The following PANX1 variants were observed in gnomAD, a reference collection of about 807,000 sequenced individuals.
PANX1 encodes the protein pannexin 1, also known as pannexin-1.
Under a neutral mutation model 38.7 loss-of-function variants are expected in PANX1, and 30 were observed. That is an observed-to-expected ratio of 0.78 (90% CI 0.58 to 1.05). The LOEUF (loss-of-function observed/expected upper bound fraction) is 1.05. PANX1 is among the 50% of genes least tolerant of loss of function. The pLI is 0.00. For missense variants in PANX1, 551 were observed against 517.2 expected (o/e 1.07, Z -0.63); for synonymous variants, 230 against 212.2 (o/e 1.08, Z -0.73).
In PANX1 at chr11:94,129,226, C is replaced by A; in HGVS notation, c.-87C>A. The A allele has an allele frequency of 8.4e-7, 1 of 1,195,468 alleles. No individual in the cohort carries two copies. Among genetic ancestry groups the A allele is most frequent in the Non-Finnish European group, 1.2e-6 (1 of 858,376 alleles). The allele number at this position is 1,195,468 out of a possible 1,614,324, so 74.1% of individuals were successfully genotyped here. On this transcript the variant is annotated 5_prime_UTR_variant, in exon 1 of 5. Coordinates refer to ENST00000227638, the MANE Select transcript of PANX1 (RefSeq NM_015368.4). Reference sequence around the variant, plus strand: ...AAAGGGAAAGCGAAAGCCGCGCGCCCGGCCGGTGACTGGGTGAAGGCGCCG... The same window carrying A: ...AAAGGGAAAGCGAAAGCCGCGCGCCAGGCCGGTGACTGGGTGAAGGCGCCG...
intron 2 of PANX1, among the ~76,000 whole-genome samples, chr11:94,156,515 T>A (rs1673551215): frequency 6.6e-6 from 1 of 152,098 alleles, no homozygotes; most frequent in Admixed American, 6.5e-5. Flanking sequence ...TCCTTGAGAA[T>A]AAGGGGCGAT....
Position 94,173,641 on chromosome 11 carries a change from A to C in PANX1, c.322-4728A>C, listed in dbSNP as rs183298092. On this transcript the variant is annotated intron_variant, in intron 2 of 4. Coordinates refer to ENST00000227638, the MANE Select transcript of PANX1 (RefSeq NM_015368.4). Reference sequence around the variant, plus strand: ...GGACACTGAAGTGTATGTCTCCCCCATCTGTTGCTCTCAGATCTGTCTTCT... The same window carrying C: ...GGACACTGAAGTGTATGTCTCCCCCCTCTGTTGCTCTCAGATCTGTCTTCT... Among the ~76,000 whole-genome samples, 18 of 151,178 alleles carry C rather than the reference A, an allele frequency of 1.2e-4. No individual in the cohort carries two copies. The East Asian group carries it at 3.3e-3, about 28-fold the overall frequency.
At chr11:94,180,402 G>A in intron 4 of PANX1, 145 bp downstream of exon 4, 1 of 659,246 alleles carries the variant, frequency 1.5e-6, no homozygotes, top group Non-Finnish European at 2.5e-6. Flanking sequence ...GCGGGGTAGG[G>A]GGAGTGGGAA....
chr11:94,137,505 G>A (rs538286109), intron 1 of PANX1, among the ~76,000 whole-genome samples: 2 of 152,170 alleles, frequency 1.3e-5, no homozygotes, highest in South Asian at 4.2e-4. Flanking sequence ...GAGGCAATTT[G>A]GGGGCATTTG....
chr11:94,170,034 GT>G (rs912524150), intron 2 of PANX1, among the ~76,000 whole-genome samples: 7 of 151,794 alleles, frequency 4.6e-5, no homozygotes, highest in African/African-American at 1.5e-4. Context: ...TCTTTTTCAA[GT>G]TTTTCTTTTT....
At chr11:94,170,966 G>A (rs1947159977) in intron 2 of PANX1, among the ~76,000 whole-genome samples, 1 of 151,702 alleles carries the variant, frequency 6.6e-6, no homozygotes. Flanking sequence ...TCCCATGCCT[G>A]TATTTCTTAC....
Position 94,165,743 on chromosome 11 carries a change from C to T in PANX1, c.321+12113C>T, listed in dbSNP as rs187387242. 1.1e-4 allele frequency among the ~76,000 whole-genome samples: 16 copies of T among 152,100 alleles called. No homozygotes were observed. In the East Asian group the frequency reaches 3.1e-3, roughly 29 times the overall value. Reference sequence around the variant, plus strand: ...CTGCCCAACATGGAGAAACCCTGTCCCTTCTACACATACAAAATTAGCCAG... The same window carrying T: ...CTGCCCAACATGGAGAAACCCTGTCTCTTCTACACATACAAAATTAGCCAG... On this transcript the variant is annotated intron_variant, in intron 2 of 4. Coordinates refer to ENST00000227638, the MANE Select transcript of PANX1 (RefSeq NM_015368.4).
chr11:94,160,374 G>T (rs746006557), intron 2 of PANX1, among the ~76,000 whole-genome samples: 3 of 152,112 alleles, frequency 2.0e-5, no homozygotes, highest in Non-Finnish European at 4.4e-5. Flanking sequence ...CTCTTTGTAG[G>T]TCTCTAAGGA....
intron 2 of PANX1, among the ~76,000 whole-genome samples, chr11:94,177,263 G>A (rs1012021536): frequency 6.6e-6 from 1 of 151,012 alleles, no homozygotes; most frequent in Non-Finnish European, 1.5e-5. Flanking sequence ...GGTAAGCACA[G>A]AGTGAGGGTT....
In PANX1 at chr11:94,157,546, T is replaced by C. The variant is rs1454025770; in HGVS notation, c.321+3916T>C. ...TGCATAAATGTCTTCTTTTGAGAAG[T>C]GTCTGTTCATGTCCTTCGCCCACTT... On this transcript the variant is annotated intron_variant, in intron 2 of 4. Coordinates refer to ENST00000227638, the MANE Select transcript of PANX1 (RefSeq NM_015368.4). Among the ~76,000 whole-genome samples, 5 of 152,278 alleles carry C rather than the reference T, an allele frequency of 3.3e-5. No individual in the cohort carries two copies. The East Asian group carries it at 9.7e-4, about 29-fold the overall frequency.
intron 2 of PANX1, 121 bp downstream of exon 2, chr11:94,153,751 G>A (rs1591513803): frequency 1.1e-6 from 1 of 905,146 alleles, no homozygotes; most frequent in East Asian, 2.7e-5. Context: ...ATCTCAGATT[G>A]TAAAACTGTA....
chr11:94,175,723 A>C, intron 2 of PANX1: 1 of 984,278 alleles, frequency 1.0e-6, no homozygotes, highest in Non-Finnish European at 1.2e-6. Flanking sequence ...GCAAGAATTA[A>C]ATGAACATTC....
intron 2 of PANX1, among the ~76,000 whole-genome samples, chr11:94,174,070 A>T (rs1014707044): frequency 3.3e-5 from 5 of 151,430 alleles, no homozygotes; most frequent in Non-Finnish European, 7.4e-5. Context: ...CTGTCATCAC[A>T]GGCTTCTTCC....
In PANX1 at chr11:94,129,032, C is replaced by T; in HGVS notation, c.-281C>T. ...GCGCGAATCCGAGTGCCGCGCGCGG[C>T]CCGGGGACTTGCACGGGCGTGCGGG... is the stretch of plus-strand genomic sequence containing the variant. On this transcript the variant is annotated 5_prime_UTR_variant, in exon 1 of 5. Coordinates refer to ENST00000227638, the MANE Select transcript of PANX1 (RefSeq NM_015368.4). 3.6e-6 allele frequency: 1 copy of T among 280,024 alleles called. No individual in the cohort carries two copies. The allele number at this position is 280,024 out of a possible 1,614,324, so 17.3% of individuals were successfully genotyped here. A position where few individuals can be genotyped will look rare whatever the true frequency, so the allele number is the denominator to read the frequency against.
At chr11:94,145,939 C>A (rs1415862942) in intron 1 of PANX1, among the ~76,000 whole-genome samples, 1 of 152,150 alleles carries the variant, frequency 6.6e-6, no homozygotes, top group African/African-American at 2.4e-5. Flanking sequence ...TAAAAGATTT[C>A]TTTTCTAGTT....
At chr11:94,175,915 G>T (rs1591526528) in intron 2 of PANX1, 1 of 984,426 alleles carries the variant, frequency 1.0e-6, no homozygotes. Context: ...AAGTTTTGGG[G>T]TCATTTGTGC....
At chr11:94,138,922 A>G (rs890457286) in intron 1 of PANX1, among the ~76,000 whole-genome samples, 5 of 152,166 alleles carry the variant, frequency 3.3e-5, no homozygotes, top group African/African-American at 1.2e-4. Flanking sequence ...CCTTAGGTCT[A>G]TCAGTTTTTT....
At chr11:94,164,273 T>C (rs948518515) in intron 2 of PANX1, among the ~76,000 whole-genome samples, 7 of 152,202 alleles carry the variant, frequency 4.6e-5, no homozygotes, top group African/African-American at 1.7e-4. Context: ...CTTTTCTAGT[T>C]CTTTAAGATC....
At chr11:94,132,979 C>T (rs2134471546) in intron 1 of PANX1, among the ~76,000 whole-genome samples, 1 of 152,320 alleles carries the variant, frequency 6.6e-6, no homozygotes, top group East Asian at 1.9e-4. Flanking sequence ...TGATAAAATA[C>T]TTGGCTTCAT....
Sources: gnomAD v4.1 joint callset for allele counts (sites outside exome capture counted in the v4.1 genomes callset) on GRCh38, gnomAD v4.1.1 for gene constraint, MANE v1.5 for transcripts, NCBI Gene and HGNC (gene_info 2026-07-23, HGNC 2026-07-21) for gene names.